The following ZNF514 variants were observed in gnomAD, a reference collection of about 807,000 sequenced individuals.
The protein encoded by ZNF514 is zinc finger protein 514.
In ZNF514, 12 loss-of-function variants were observed where a neutral mutation model predicts 9.7. That is an observed-to-expected ratio of 1.24 (90% CI 0.79 to 2.01). ZNF514 has a LOEUF of 2.01. Among genes scored for constraint, ZNF514 ranks in the 30% most tolerant of loss-of-function variants. The pLI, the probability that ZNF514 is intolerant of heterozygous loss-of-function variation, is 0.00. For missense variants in ZNF514, 467 were observed against 465.5 expected, an observed-to-expected ratio of 1.00 and a Z score of -0.03; for synonymous variants, 158 against 163.7, an observed-to-expected ratio of 0.97 and a Z score of 0.27.
chr2:95,127,583 T>G, the ZNF514 span, among the ~76,000 whole-genome samples: 4 of 150,544 alleles, frequency 2.7e-5, no homozygotes, highest in East Asian at 2.0e-4. Flanking sequence ...TTGTTTTTGT[T>G]TTTTTGTTTT....
chr2:95,152,642 A>G lies in ZNF514; in HGVS notation c.217+32T>C, dbSNP rs1163857867. 8 of 1,592,080 alleles carry G rather than the reference A, an allele frequency of 5.0e-6. No homozygotes were observed. In the East Asian group the frequency reaches 1.3e-4, roughly 27 times the overall value. On this transcript the variant is annotated intron_variant, in intron 4 of 4. Transcript: ENST00000295208. The stretch of plus-strand genomic sequence containing the variant: ...CTACCTCCCACCCCAGCTGGGCCTT[A>G]TCATATGCAATGCTTTCACTCACTC...
intron 2 of ZNF514, chr2:95,155,567 G>A (rs1558703250): frequency 6.6e-6 from 1 of 152,188 alleles, no homozygotes; most frequent in Non-Finnish European, 1.5e-5. Flanking sequence ...GCGCCATCCA[G>A]GACTTTGATC....
Position 95,149,036 on chromosome 2 carries a change from C to T in ZNF514, c.*246G>A, listed in dbSNP as rs892060034. On this transcript the variant is annotated 3_prime_UTR_variant, in exon 5 of 5. Transcript: ENST00000295208. ...AATAATATGCATCCTCTGATCAAAG[C>T]GTTCCCACATTCATTACATTCACGT... 48 of 479,804 alleles carry T rather than the reference C, an allele frequency of 1.0e-4. 1 individual carries two copies. In the Middle Eastern group the frequency reaches 2.2e-3, roughly 22 times the overall value. The allele number at this position is 479,804 out of a possible 1,614,324, so 29.7% of individuals were successfully genotyped here.
At chr2:95,135,491 G>A in the ZNF514 span, among the ~76,000 whole-genome samples, 44 of 149,532 alleles carry the variant, frequency 2.9e-4, no homozygotes, top group Non-Finnish European at 5.2e-4. Flanking sequence ...GCATGATCAT[G>A]GCTCACTGCA....
chr2:95,146,706 A>C lies in ZNF514; in HGVS notation c.*2576T>G, dbSNP rs1021524085. ...AACTGGTAAGTATGGTTAATATGGC[A>C]AGGATACATGAGAAGAGGAGACAGA... On this transcript the variant is annotated 3_prime_UTR_variant, in exon 5 of 5. Coordinates refer to ENST00000295208, the MANE Select transcript of ZNF514 (RefSeq NM_032788.3). 6.6e-6 allele frequency among the ~76,000 whole-genome samples: 1 copy of C among 151,420 alleles called. No homozygotes were observed.
At chr2:95,129,977 TATTTA>T in the ZNF514 span, among the ~76,000 whole-genome samples, 4 of 152,126 alleles carry the variant, frequency 2.6e-5, no homozygotes, top group African/African-American at 9.7e-5. Context: ...GTCTCTTATT[TATTTA>T]TTTATAATCA....
chr2:95,141,959 T>C (rs1417306072), downstream of ZNF514, among the ~76,000 whole-genome samples: 1 of 152,210 alleles, frequency 6.6e-6, no homozygotes, highest in African/African-American at 2.4e-5. Context: ...CTGCCCAAGA[T>C]ATCAGTCCAA....
the ZNF514 span, among the ~76,000 whole-genome samples, chr2:95,136,313 G>C: frequency 6.6e-6 from 1 of 151,762 alleles, no homozygotes; most frequent in African/African-American, 2.4e-5. Context: ...CTAAAGTGCA[G>C]TGGTGTGATC....
chr2:95,154,562 T>A (rs1012835577), intron 2 of ZNF514: 2 of 152,234 alleles, frequency 1.3e-5, no homozygotes, highest in Admixed American at 6.5e-5. Flanking sequence ...AATGAAAGCA[T>A]GAGCTTGTGA....
chr2:95,126,631 G>A, the ZNF514 span, among the ~76,000 whole-genome samples: 2 of 151,980 alleles, frequency 1.3e-5, no homozygotes, highest in East Asian at 3.9e-4. Context: ...TTCTTTTCAT[G>A]TGCTTCTAGA....
At chr2:95,134,253 CA>C in the ZNF514 span, among the ~76,000 whole-genome samples, 4 of 152,286 alleles carry the variant, frequency 2.6e-5, no homozygotes, top group Admixed American at 6.5e-5. Flanking sequence ...CTCATTTGCT[CA>C]AACCAGGCCA....
chr2:95,150,990 C>T (rs919520629), intron 4 of ZNF514, among the ~76,000 whole-genome samples: 7 of 152,282 alleles, frequency 4.6e-5, no homozygotes, highest in Admixed American at 6.5e-5. Flanking sequence ...ATGTCCTCCA[C>T]GAAGTATTCT....
At position 95,158,770 on chromosome 2, in the gene ZNF514, C is replaced by A. The variant is rs1558704531; in HGVS notation, c.-96+470G>T. On this transcript the variant is annotated intron_variant, in intron 1 of 4. Transcript: ENST00000295208. ...CCTCCGCCACGGTCATCTAGAGACC[C>A]CTGCCAGACCCAGGAGACTGCGGCT... is the stretch of plus-strand genomic sequence containing the variant. The A allele has an allele frequency of 3.3e-6, 4 of 1,198,488 alleles. No individual in the cohort carries two copies. The African/African-American group carries it at 4.8e-5, about 14-fold the overall frequency. The allele number at this position is 1,198,488 out of a possible 1,614,324, so 74.2% of individuals were successfully genotyped here. A position where few individuals can be genotyped will look rare whatever the true frequency, so the allele number is the denominator to read the frequency against.
rs968736005 is a variant in ZNF514 at position 95,146,996 on chromosome 2, G to C, written c.*2286C>G. Among the ~76,000 whole-genome samples the C allele has an allele frequency of 3.9e-5, 6 of 152,132 alleles. No homozygotes were observed. Reference sequence around the variant, plus strand: ...GTGGACTCTTAGACCCAGCCTGTCTGCATGGGCCCACTTTGAGCTGGTTCC... The same window carrying C: ...GTGGACTCTTAGACCCAGCCTGTCTCCATGGGCCCACTTTGAGCTGGTTCC... On this transcript the variant is annotated 3_prime_UTR_variant, in exon 5 of 5. Coordinates refer to ENST00000295208, the MANE Select transcript of ZNF514 (RefSeq NM_032788.3).
the ZNF514 span, among the ~76,000 whole-genome samples, chr2:95,126,270 C>T: frequency 4.0e-5 from 6 of 148,436 alleles, no homozygotes; most frequent in Non-Finnish European, 8.9e-5. Context: ...ACTCAGGAGG[C>T]TGAGGCAGGA....
chr2:95,144,920 C>T (rs915534173), downstream of ZNF514, among the ~76,000 whole-genome samples: 7 of 152,158 alleles, frequency 4.6e-5, no homozygotes, highest in Non-Finnish European at 8.8e-5. Flanking sequence ...CACACACACA[C>T]ACACACCCCA....
At chr2:95,126,392 A>AAAAAAAAAAAAAAG in the ZNF514 span, among the ~76,000 whole-genome samples, 8 of 84,450 alleles carry the variant, frequency 9.5e-5, no homozygotes, top group East Asian at 3.3e-4. Flanking sequence ...AAAAAAAAAA[A>AAAAAAAAAAAAAAG]AAAGAAAGAA....
At chr2:95,156,626 G>C (rs1318155297) in intron 2 of ZNF514, among the ~76,000 whole-genome samples, 1 of 152,194 alleles carries the variant, frequency 6.6e-6, no homozygotes, top group African/African-American at 2.4e-5. Flanking sequence ...AAATTGTAGA[G>C]AATAGTTCCT....
the ZNF514 span, among the ~76,000 whole-genome samples, chr2:95,135,492 G>T: frequency 1.3e-5 from 2 of 150,600 alleles, no homozygotes; most frequent in Non-Finnish European, 3.0e-5. Flanking sequence ...CATGATCATG[G>T]CTCACTGCAG....
Sources: gnomAD v4.1 joint callset for allele counts (sites outside exome capture counted in the v4.1 genomes callset) on GRCh38, gnomAD v4.1.1 for gene constraint, MANE v1.5 for transcripts, NCBI Gene and HGNC (gene_info 2026-07-23, HGNC 2026-07-21) for gene names.